The following TTC6 variants were observed in gnomAD, a reference collection of about 807,000 sequenced individuals.
The protein encoded by TTC6 is tetratricopeptide repeat protein 6.
In TTC6, 172 loss-of-function variants were observed where a neutral mutation model predicts 210.4. The observed-to-expected ratio is 0.82, with a 90% CI of 0.72 to 0.93. TTC6 has a LOEUF of 0.93. TTC6 is among the 40% of genes least tolerant of loss of function. The pLI is 0.00. For missense variants in TTC6, 2,414 were observed against 2,318.1 expected, an observed-to-expected ratio of 1.04 and a Z score of -0.85; for synonymous variants, 804 against 819.6, an observed-to-expected ratio of 0.98 and a Z score of 0.32.
rs2095608204 is a variant in TTC6, at chr14:37,598,197, G to A, written c.-235+2189G>A. Among the ~76,000 whole-genome samples the A allele has an allele frequency of 6.6e-6, 1 of 152,178 alleles. No homozygotes were observed. The highest frequency in any genetic ancestry group is 1.5e-5 in the Non-Finnish European group (1 of 68,030). ...TTTGCAAGGATTGTGCTGCTCGTTG[G>A]AGGAAACCAGGCCTGTCTTCAGCTG... is the stretch of plus-strand genomic sequence containing the variant. On this transcript the variant is annotated intron_variant, in intron 1 of 2. Transcript: ENST00000556845. The surrounding 1 kb of genome is among the most constrained non-coding windows in gnomAD (Gnocchi z 4.9).
rs751633545 is a variant in TTC6, at chr14:37,804,652, C to T, written c.4030-28C>T. 14 of 1,602,288 alleles carry T rather than the reference C, an allele frequency of 8.7e-6. No individual in the cohort carries two copies. The Admixed American group carries it at 1.4e-4, about 16-fold the overall frequency. Reference sequence around the variant, plus strand: ...CAATAGTGGAAAGAAACATTTCTTGCCCCCTCCCTGCTTTTTTATCATTAT... The same window carrying T: ...CAATAGTGGAAAGAAACATTTCTTGTCCCCTCCCTGCTTTTTTATCATTAT... On this transcript the variant is annotated intron_variant, in intron 20 of 30. Transcript: ENST00000553443.
At chr14:37,726,654 A>C (rs1210979778) in intron 7 of TTC6, among the ~76,000 whole-genome samples, 2 of 152,090 alleles carry the variant, frequency 1.3e-5, no homozygotes, top group Non-Finnish European at 2.9e-5. Flanking sequence ...TAATATTCTG[A>C]AATTGATATG....
intron 10 of TTC6, among the ~76,000 whole-genome samples, chr14:37,742,481 C>T (rs1342033043): frequency 1.3e-5 from 2 of 151,950 alleles, no homozygotes; most frequent in African/African-American, 4.8e-5. Context: ...GTGATCTTGG[C>T]TCACTGCAAC....
intron 1 of TTC6, among the ~76,000 whole-genome samples, chr14:37,637,699 C>T (rs1268323789): frequency 6.6e-6 from 1 of 152,124 alleles, no homozygotes; most frequent in African/African-American, 2.4e-5. Flanking sequence ...AGAGGATATA[C>T]AAATGCCAAA....
In TTC6 at chr14:37,808,849, A is replaced by C; in HGVS notation, c.4569+3A>C. ...CCAAGATAAGGGAACTTCAAATGGT[A>C]AGATGACCATTTTAGTAAACAATGT... On this transcript the variant is annotated splice_donor_region_variant and intron_variant, in intron 24 of 30. Coordinates refer to ENST00000553443, the Ensembl canonical transcript of TTC6. The C allele has an allele frequency of 1.4e-6, 2 of 1,391,302 alleles. No homozygotes were observed. Among genetic ancestry groups the C allele is most frequent in the Non-Finnish European group, 1.0e-6 (1 of 1,004,114 alleles). The allele number at this position is 1,391,302 out of a possible 1,614,324, so 86.2% of individuals were successfully genotyped here. A position where few individuals can be genotyped will look rare whatever the true frequency, so the allele number is the denominator to read the frequency against.
chr14:37,622,735 TGA>T lies in TTC6; in HGVS notation c.673_674del (p.Arg225AspfsTer109). 1 of 1,534,836 alleles carries T rather than the reference TGA, an allele frequency of 6.5e-7. No homozygotes were observed. Among genetic ancestry groups the T allele is most frequent in the Non-Finnish European group, 8.7e-7 (1 of 1,146,566 alleles). Reference sequence around the variant, plus strand: ...GAGGCCAGCAGCGGGCGGAGGAAAGTGAGGATCCGCAGCAACTTCGTGAGCGA... The same window carrying T: ...GAGGCCAGCAGCGGGCGGAGGAAAGTGGATCCGCAGCAACTTCGTGAGCGA... On this transcript the variant is annotated frameshift_variant, in exon 1 of 31. Coordinates refer to ENST00000553443, the Ensembl canonical transcript of TTC6. LOFTEE classifies it high-confidence loss of function.
intron 7 of TTC6, among the ~76,000 whole-genome samples, chr14:37,730,279 T>G (rs1204140524): frequency 6.6e-6 from 1 of 152,254 alleles, no homozygotes; most frequent in South Asian, 2.1e-4. Context: ...ATTTTTCAGT[T>G]TTCCTTTTTA....
intron 1 of TTC6, among the ~76,000 whole-genome samples, chr14:37,625,570 A>G (rs574256184): frequency 2.0e-5 from 3 of 151,870 alleles, no homozygotes; most frequent in Non-Finnish European, 4.4e-5. Flanking sequence ...AAAAGAATGT[A>G]AGTATGCAAG....
At chr14:37,827,482 C>T in intron 29 of TTC6, 116 bp downstream of exon 31, 1 of 902,854 alleles carries the variant, frequency 1.1e-6, no homozygotes, top group Non-Finnish European at 1.6e-6. Flanking sequence ...GCTATTAGCT[C>T]TTTTATTTAA....
intron 14 of TTC6, among the ~76,000 whole-genome samples, chr14:37,782,095 G>A (rs1291231074): frequency 6.6e-6 from 1 of 152,168 alleles, no homozygotes; most frequent in Non-Finnish European, 1.5e-5. Context: ...GCTTAGGATT[G>A]TCTTGGCAAT....
chr14:37,665,247 C>A (rs1046026469), intron 1 of TTC6, among the ~76,000 whole-genome samples: 1 of 150,472 alleles, frequency 6.6e-6, no homozygotes, highest in African/African-American at 2.4e-5. Flanking sequence ...TGGAATCAAC[C>A]TAAATGCCCA....
rs575123349 is a variant in TTC6 at position 37,778,984 on chromosome 14, C to G, written c.3267-8484C>G. ...GTGCTTCATTGCAGACTTTCCTGCT[C>G]CAAACCCTCTGGGCTTTGCACAAGC... On this transcript the variant is annotated intron_variant, in intron 14 of 30. Transcript: ENST00000553443. 8.5e-4 allele frequency among the ~76,000 whole-genome samples: 130 copies of G among 152,288 alleles called. 1 individual carries two copies. Among genetic ancestry groups the G allele is most frequent in the Middle Eastern group, 6.8e-3 (2 of 294 alleles).
intron 26 of TTC6, among the ~76,000 whole-genome samples, chr14:37,820,733 A>C (rs974042128): frequency 3.3e-5 from 5 of 152,216 alleles, no homozygotes; most frequent in African/African-American, 7.2e-5. Context: ...CACTACCCAC[A>C]GATAGAAATA....
intron 3 of TTC6, among the ~76,000 whole-genome samples, chr14:37,685,967 G>A (rs2095792903): frequency 6.6e-6 from 1 of 152,198 alleles, no homozygotes; most frequent in Non-Finnish European, 1.5e-5. Flanking sequence ...CTAAAAGGAA[G>A]TGGTAATCAC....
At position 37,694,812 on chromosome 14, in the gene TTC6, C is replaced by T. The variant is rs145116409; in HGVS notation, c.1258-1905C>T. ...ATCCCAATACTTTGGGAGGCCTAGC[C>T]GTGTAGATTGCTTGAGCTCAGGAGT... On this transcript the variant is annotated intron_variant, in intron 3 of 30. Transcript: ENST00000553443. Among the ~76,000 whole-genome samples, 473 of 152,058 alleles carry T rather than the reference C, an allele frequency of 3.1e-3. 3 individuals carry two copies. The highest frequency in any genetic ancestry group is 0.011 in the African/African-American group (442 of 41,502).
At chr14:37,766,224 T>C (rs1296852126) in intron 14 of TTC6, among the ~76,000 whole-genome samples, 1 of 152,190 alleles carries the variant, frequency 6.6e-6, no homozygotes, top group African/African-American at 2.4e-5. Flanking sequence ...TTTTAACTTT[T>C]ATTTTAGGTT....
At chr14:37,656,064 T>C (rs2095722209) in intron 1 of TTC6, among the ~76,000 whole-genome samples, 1 of 152,206 alleles carries the variant, frequency 6.6e-6, no homozygotes, top group Non-Finnish European at 1.5e-5. Context: ...CCTTTGGAGC[T>C]GGTTAGGATT....
intron 25 of TTC6, among the ~76,000 whole-genome samples, chr14:37,814,382 C>A (rs2096136831): frequency 6.6e-6 from 1 of 151,864 alleles, no homozygotes; most frequent in African/African-American, 2.4e-5. Flanking sequence ...TGAAATGTGA[C>A]CTCCTCAGTC....
At chr14:37,673,859 C>T (rs898791953) in intron 1 of TTC6, among the ~76,000 whole-genome samples, 2 of 152,000 alleles carry the variant, frequency 1.3e-5, no homozygotes, top group African/African-American at 4.8e-5. Flanking sequence ...AAAGTGTATC[C>T]AGGATTGCGA....
Sources: allele counts gnomAD v4.1 joint callset (sites outside exome capture counted in the v4.1 genomes callset), GRCh38; gene constraint gnomAD v4.1.1; non-coding constraint Gnocchi (gnomAD v3.1); transcripts MANE v1.5; gene names NCBI Gene and HGNC (gene_info 2026-07-23, HGNC 2026-07-21).